ADGRL2: variants seen among roughly 807,000 people sequenced by gnomAD.
The protein encoded by ADGRL2 is calcium-independent alpha-latrotoxin receptor 2.
ADGRL2 carries 44 observed loss-of-function variants against 157.4 expected under a neutral mutation model. The ratio of observed to expected loss-of-function variants is 0.28; its 90% CI spans 0.22 to 0.36. ADGRL2 has a LOEUF of 0.36. ADGRL2 is among the 10% of genes least tolerant of loss of function. ADGRL2 has a pLI of 1.00. For synonymous variants in ADGRL2, 585 were observed against 624.7 expected, an observed-to-expected ratio of 0.94 and a Z score of 0.95; for missense variants, 1,510 against 1,768.9, an observed-to-expected ratio of 0.85 and a Z score of 2.63.
chr1:81,638,378 A>T (rs565216336), intron 3 of ADGRL2, among the ~76,000 whole-genome samples: 2 of 152,312 alleles, frequency 1.3e-5, no homozygotes, highest in Non-Finnish European at 2.9e-5. Flanking sequence ...GTAAAATAAA[A>T]ACTTTCATTT....
intron 1 of ADGRL2, among the ~76,000 whole-genome samples, chr1:81,830,808 A>G (rs1383636773): frequency 1.3e-5 from 2 of 151,986 alleles, no homozygotes; most frequent in African/African-American, 2.4e-5. Flanking sequence ...CGCCTGGCCA[A>G]TTTTTCATAT....
intron 2 of ADGRL2, among the ~76,000 whole-genome samples, chr1:81,852,702 T>A (rs1018227917): frequency 6.6e-6 from 1 of 152,124 alleles, no homozygotes; most frequent in East Asian, 1.9e-4. Context: ...TAGCTGTGTG[T>A]CTCGCTGGCT....
chr1:81,357,698 T>C (rs1376284359), intron 1 of ADGRL2, among the ~76,000 whole-genome samples: 1 of 152,144 alleles, frequency 6.6e-6, no homozygotes, highest in African/African-American at 2.4e-5. Context: ...AAAGCTTGGC[T>C]GGGGCAGGCA....
intron 2 of ADGRL2, among the ~76,000 whole-genome samples, chr1:81,529,985 G>A (rs973383889): frequency 6.6e-6 from 1 of 152,164 alleles, no homozygotes; most frequent in Non-Finnish European, 1.5e-5. Context: ...AACTGTATAC[G>A]CAATAACATG....
upstream of ADGRL2, among the ~76,000 whole-genome samples, chr1:81,698,472 A>G (rs1258610475): frequency 6.6e-6 from 1 of 152,186 alleles, no homozygotes; most frequent in Non-Finnish European, 1.5e-5. Flanking sequence ...TATTGAACTC[A>G]TTACATGTCA....
At chr1:81,839,955 A>ATATAT (rs1164786609) in intron 2 of ADGRL2, among the ~76,000 whole-genome samples, 1 of 110,064 alleles carries the variant, frequency 9.1e-6, no homozygotes, top group Non-Finnish European at 2.1e-5. Context: ...TATATATATA[A>ATATAT]ATACACACAA....
intron 2 of ADGRL2, among the ~76,000 whole-genome samples, chr1:81,489,466 T>C (rs913412081): frequency 6.6e-6 from 1 of 152,118 alleles, no homozygotes; most frequent in African/African-American, 2.4e-5. Flanking sequence ...CTAAGGGACC[T>C]GTGGGACACC....
chr1:81,758,085 T>A (rs1327297704), intron 1 of ADGRL2, among the ~76,000 whole-genome samples: 1 of 152,192 alleles, frequency 6.6e-6, no homozygotes. Flanking sequence ...GGTTACAACG[T>A]TCCTTTATCT....
At chr1:81,562,170 T>C (rs944730216) in intron 2 of ADGRL2, among the ~76,000 whole-genome samples, 1 of 152,176 alleles carries the variant, frequency 6.6e-6, no homozygotes, top group South Asian at 2.1e-4. Flanking sequence ...ATAGGGATTA[T>C]ATGAGTAGGG....
chr1:81,919,515 T>A (rs1233263375), intron 3 of ADGRL2, among the ~76,000 whole-genome samples: 2 of 151,630 alleles, frequency 1.3e-5, no homozygotes, highest in East Asian at 3.9e-4. Flanking sequence ...GGTGTTTCTG[T>A]TAGATTTATA....
rs550107990 is a variant in ADGRL2, at chr1:81,966,288, A to G, written c.2143+105A>G. 804 of 1,532,520 alleles carry G rather than the reference A, an allele frequency of 5.2e-4. 1 individual carries two copies. Among genetic ancestry groups the G allele is most frequent in the Non-Finnish European group, 6.3e-4 (711 of 1,122,206 alleles). 94.9% of individuals were successfully genotyped at this position (1,532,520 alleles called of 1,614,324 possible). On this transcript the variant is annotated intron_variant, in intron 12 of 23. Coordinates refer to ENST00000686636, the MANE Select transcript of ADGRL2 (RefSeq NM_001366006.2). ...TTATATAACAAAAAAACGGCTTACC[A>G]TTTAAAAGCAGATATAAAACAGTGC... is the stretch of plus-strand genomic sequence containing the variant.
At chr1:81,393,565 T>C (rs2076598230) in intron 1 of ADGRL2, among the ~76,000 whole-genome samples, 2 of 152,156 alleles carry the variant, frequency 1.3e-5, no homozygotes, top group South Asian at 4.1e-4. Context: ...TTTTAATTAC[T>C]TAAGCATTGT....
intron 2 of ADGRL2, among the ~76,000 whole-genome samples, chr1:81,859,528 T>A (rs1156755063): frequency 6.7e-6 from 1 of 149,920 alleles, no homozygotes; most frequent in Non-Finnish European, 1.5e-5. Flanking sequence ...CACCTCAGCC[T>A]CCTGAATAGC....
chr1:81,314,306 G>A (rs759257232), intron 1 of ADGRL2, among the ~76,000 whole-genome samples: 6 of 152,082 alleles, frequency 3.9e-5, no homozygotes, highest in Non-Finnish European at 7.4e-5. Flanking sequence ...CTTATATTTC[G>A]GTATTTTTGT....
intron 3 of ADGRL2, among the ~76,000 whole-genome samples, chr1:81,633,538 G>A (rs886882680): frequency 2.8e-5 from 4 of 141,370 alleles, no homozygotes; most frequent in African/African-American, 5.2e-5. Context: ...GGAGGTTGAA[G>A]TGAGCCTAGA....
chr1:81,613,813 A>G (rs2081590275), intron 3 of ADGRL2, among the ~76,000 whole-genome samples: 1 of 152,218 alleles, frequency 6.6e-6, no homozygotes, highest in African/African-American at 2.4e-5. Flanking sequence ...TTTCTGAGCT[A>G]AATGACTTTT....
intron 1 of ADGRL2, among the ~76,000 whole-genome samples, chr1:81,712,755 ATTTTTT>A (rs60265943): frequency 1.0e-5 from 1 of 100,246 alleles, no homozygotes; most frequent in African/African-American, 4.0e-5. Context: ...TGGATCGCGG[ATTTTTT>A]TTTTTTTTTT....
chr1:81,484,319 G>C (rs2078453793), intron 2 of ADGRL2, among the ~76,000 whole-genome samples: 1 of 152,126 alleles, frequency 6.6e-6, no homozygotes, highest in South Asian at 2.1e-4. Flanking sequence ...GAACAAAGCA[G>C]CTTGCCCATG....
At chr1:81,429,859 ATTG>A (rs2077287410) in intron 1 of ADGRL2, among the ~76,000 whole-genome samples, 1 of 151,994 alleles carries the variant, frequency 6.6e-6, no homozygotes, top group African/African-American at 2.4e-5. Flanking sequence ...TGAGCTTTAT[ATTG>A]TTGTTTTTTG....
Sources: gnomAD v4.1 joint callset for allele counts (sites outside exome capture counted in the v4.1 genomes callset) on GRCh38, gnomAD v4.1.1 for gene constraint, MANE v1.5 for transcripts, NCBI Gene and HGNC (gene_info 2026-07-23, HGNC 2026-07-21) for gene names.